AGAP1: variants seen among roughly 807,000 people sequenced by gnomAD.
The protein encoded by AGAP1 is ArfGAP with GTPase domain, ankyrin repeat and PH domain 1, also known as arf-GAP with GTPase, ANK repeat and PH domain-containing protein 1.
In AGAP1, 29 loss-of-function variants were observed where a neutral mutation model predicts 105.3. That is an observed-to-expected ratio of 0.28 (90% CI 0.21 to 0.38). The LOEUF is 0.38. Ranked by LOEUF, AGAP1 falls within the 10% of genes least tolerant of loss-of-function variation. The pLI is 1.00. For synonymous variants in AGAP1, 509 were observed against 485.9 expected (o/e 1.05, Z -0.63); for missense variants, 998 against 1,165.1 (o/e 0.86, Z 2.09).
chr2:235,826,071 G>A (rs1959045877), intron 9 of AGAP1, among the ~76,000 whole-genome samples: 1 of 152,202 alleles, frequency 6.6e-6, no homozygotes, highest in Non-Finnish European at 1.5e-5. Context: ...AAGAGGAGGT[G>A]TGCGAAACCA....
At chr2:235,950,184 G>A (rs924960303) in intron 12 of AGAP1, among the ~76,000 whole-genome samples, 1 of 152,156 alleles carries the variant, frequency 6.6e-6, no homozygotes, top group African/African-American at 2.4e-5. Flanking sequence ...CAGTGATCCT[G>A]GACAAATTTG....
chr2:235,834,482 G>C (rs904212598), intron 9 of AGAP1, among the ~76,000 whole-genome samples: 1 of 152,182 alleles, frequency 6.6e-6, no homozygotes, highest in Non-Finnish European at 1.5e-5. Context: ...CACAGAGCCC[G>C]GTCTGTGAGC....
chr2:235,827,579 G>C (rs928675662), intron 9 of AGAP1, among the ~76,000 whole-genome samples: 5 of 152,146 alleles, frequency 3.3e-5, no homozygotes, highest in African/African-American at 4.8e-5. Context: ...AGTGTGCCAG[G>C]ATACTTTGCT....
At chr2:235,679,289 A>G (rs1426286363) in intron 1 of AGAP1, among the ~76,000 whole-genome samples, 2 of 152,220 alleles carry the variant, frequency 1.3e-5, no homozygotes, top group Non-Finnish European at 2.9e-5. Context: ...ATTTAGCTGT[A>G]ATACGGGTTT....
In AGAP1 at chr2:235,719,394, G is replaced by C. The variant is rs72975234; in HGVS notation, c.310+1750G>C. On this transcript the variant is annotated intron_variant, in intron 3 of 17. Transcript: ENST00000304032. The surrounding 1 kb of genome is among the most constrained non-coding windows in gnomAD (Gnocchi z 4.9). ...TGTTCCATTGTATTTGGGCCCAGCT[G>C]GGATGTCTTTTGCAGTGCATAATTG... Among the ~76,000 whole-genome samples the C allele has an allele frequency of 2.0e-5, 3 of 152,134 alleles. No homozygotes were observed. Among genetic ancestry groups the C allele is most frequent in the African/African-American group, 7.2e-5 (3 of 41,424 alleles).
intron 13 of AGAP1, among the ~76,000 whole-genome samples, chr2:236,034,874 T>A (rs2057332430): frequency 6.6e-6 from 1 of 152,194 alleles, no homozygotes; most frequent in Admixed American, 6.5e-5. Context: ...ATGGGCCCTC[T>A]CTGGCTGGGT....
At chr2:235,839,614 C>T (rs544648445) in intron 9 of AGAP1, among the ~76,000 whole-genome samples, 3 of 152,144 alleles carry the variant, frequency 2.0e-5, no homozygotes, top group Non-Finnish European at 4.4e-5. Context: ...GTTGGAGGAG[C>T]CAGACTCTAG....
Position 235,744,937 on chromosome 2 carries a change from T to A in AGAP1, c.538+98T>A. The A allele has an allele frequency of 2.1e-6, 3 of 1,442,512 alleles. No individual in the cohort carries two copies. Among genetic ancestry groups the A allele is most frequent in the Non-Finnish European group, 2.8e-6 (3 of 1,067,906 alleles). The allele number at this position is 1,442,512 out of a possible 1,614,324, so 89.4% of individuals were successfully genotyped here. A position where few individuals can be genotyped will look rare whatever the true frequency, so the allele number is the denominator to read the frequency against. On this transcript the variant is annotated intron_variant, in intron 5 of 17. Coordinates refer to ENST00000304032, the MANE Select transcript of AGAP1 (RefSeq NM_001037131.3). This position sits in a 1 kb window ranked among gnomAD's most constrained non-coding sequence, Gnocchi z 5.2. ...AAAAAATGCTTTAAAGAAGGAAAAA[T>A]TGCCTACTGAACGCTCACTTTTTTG... is the stretch of plus-strand genomic sequence containing the variant.
chr2:235,736,263 C>T lies in AGAP1; in HGVS notation c.311-4700C>T, dbSNP rs2149636296. On this transcript the variant is annotated intron_variant, in intron 3 of 17. Transcript: ENST00000304032. The surrounding 1 kb of genome is among the most constrained non-coding windows in gnomAD (Gnocchi z 5.5). ...GTCCCTTCCCACGGAGCTCGCCTAGCACCTGTTCACAGGTGTGCCTGGGCC... is the reference window on the plus strand; with the variant it reads ...GTCCCTTCCCACGGAGCTCGCCTAGTACCTGTTCACAGGTGTGCCTGGGCC... 6.6e-6 allele frequency among the ~76,000 whole-genome samples: 1 copy of T among 152,170 alleles called. No homozygotes were observed. Among genetic ancestry groups the T allele is most frequent in the East Asian group, 1.9e-4 (1 of 5,140 alleles).
intron 1 of AGAP1, among the ~76,000 whole-genome samples, chr2:235,537,402 G>A (rs1559232342): frequency 6.6e-6 from 1 of 152,148 alleles, no homozygotes; most frequent in South Asian, 2.1e-4. Context: ...AGGGAAGCAG[G>A]GAGGCCAGGC....
intron 13 of AGAP1, among the ~76,000 whole-genome samples, chr2:236,019,268 G>T (rs1335931409): frequency 6.6e-6 from 1 of 152,190 alleles, no homozygotes; most frequent in Non-Finnish European, 1.5e-5. Flanking sequence ...GCAATGGAGA[G>T]GGTAAGGGTG....
intron 11 of AGAP1, among the ~76,000 whole-genome samples, chr2:235,928,347 A>G (rs116008912): frequency 0.038 from 5,714 of 152,280 alleles, 142 homozygotes; most frequent in Non-Finnish European, 0.057. Flanking sequence ...AGAGAAGCAC[A>G]CAGGACAGTG....
Position 235,716,425 on chromosome 2 carries a change from G to GGT in AGAP1, c.223-1131_223-1130dup, listed in dbSNP as rs1951108061. Among the ~76,000 whole-genome samples the GGT allele has an allele frequency of 6.6e-6, 1 of 152,148 alleles. No homozygotes were observed. Among genetic ancestry groups the GGT allele is most frequent in the Non-Finnish European group, 1.5e-5 (1 of 68,040 alleles). ...CGGGTGACCTAGTGGGCAGTTTCCT[G>GGT]GTAGCAACAGGGCCAGAGCTTCAGA... On this transcript the variant is annotated intron_variant, in intron 2 of 17. Transcript: ENST00000304032. This position sits in a 1 kb window ranked among gnomAD's most constrained non-coding sequence, Gnocchi z 4.0.
At chr2:235,806,100 G>A (rs1575515078) in intron 8 of AGAP1, among the ~76,000 whole-genome samples, 1 of 152,162 alleles carries the variant, frequency 6.6e-6, no homozygotes, top group East Asian at 1.9e-4. Flanking sequence ...TATGACCCAT[G>A]ACATTGCCCC....
chr2:235,613,026 G>GTTT (rs397935531), intron 1 of AGAP1, among the ~76,000 whole-genome samples: 19 of 135,094 alleles, frequency 1.4e-4, no homozygotes, highest in African/African-American at 4.1e-4. Context: ...TTTCAGTTTT[G>GTTT]TTTTTTTTTT....
At chr2:236,085,221 A>AT (rs1257100796) in intron 16 of AGAP1, among the ~76,000 whole-genome samples, 2 of 151,630 alleles carry the variant, frequency 1.3e-5, no homozygotes, top group African/African-American at 4.8e-5. Context: ...GTCTCAAAAA[A>AT]AAAAAAAAAA....
intron 9 of AGAP1, among the ~76,000 whole-genome samples, chr2:235,813,615 C>T (rs574310494): frequency 2.6e-5 from 4 of 152,232 alleles, no homozygotes; most frequent in African/African-American, 9.6e-5. Context: ...GCTCCGATCC[C>T]ACAGCATGGT....
At chr2:235,699,645 C>T (rs1404027466) in intron 1 of AGAP1, among the ~76,000 whole-genome samples, 2 of 152,196 alleles carry the variant, frequency 1.3e-5, no homozygotes, top group African/African-American at 4.8e-5. Context: ...TAACATCCCT[C>T]AGAGATGCAA....
Position 236,015,777 on chromosome 2 carries a change from C to T in AGAP1, c.1646-20784C>T, listed in dbSNP as rs114499631. Among the ~76,000 whole-genome samples, 899 of 152,236 alleles carry T rather than the reference C, an allele frequency of 5.9e-3. 2 individuals carry two copies. The highest frequency in any genetic ancestry group is 8.9e-3 in the Non-Finnish European group (605 of 68,014). On this transcript the variant is annotated intron_variant, in intron 13 of 17. Coordinates refer to ENST00000304032, the MANE Select transcript of AGAP1 (RefSeq NM_001037131.3). Reference sequence around the variant, plus strand: ...AAGTAATCGCAAGCTCGTGCCCTAACACTAATTGACTTATTTGGGGATTAT... The same window carrying T: ...AAGTAATCGCAAGCTCGTGCCCTAATACTAATTGACTTATTTGGGGATTAT...
Sources: gnomAD v4.1 joint callset for allele counts (sites outside exome capture counted in the v4.1 genomes callset) on GRCh38, gnomAD v4.1.1 for gene constraint, Gnocchi (gnomAD v3.1) non-coding constraint, MANE v1.5 for transcripts, NCBI Gene and HGNC (gene_info 2026-07-23, HGNC 2026-07-21) for gene names.